CFAP77: variants seen among roughly 807,000 people sequenced by gnomAD.
CFAP77 encodes cilia- and flagella-associated protein 77.
Under a neutral mutation model 31.1 loss-of-function variants are expected in CFAP77, and 25 were observed. The ratio of observed to expected loss-of-function variants is 0.80; its 90% CI spans 0.59 to 1.12. The LOEUF is 1.12. Among genes scored for constraint, CFAP77 ranks in the 50% most tolerant of loss-of-function variants. The pLI, the probability that CFAP77 is intolerant of heterozygous loss-of-function variation, is 0.00. For missense variants in CFAP77, 377 were observed against 397.3 expected, an observed-to-expected ratio of 0.95 and a Z score of 0.44; for synonymous variants, 151 against 159.9, an observed-to-expected ratio of 0.94 and a Z score of 0.42.
In CFAP77 at chr9:132,554,345, TTTTA is replaced by T. The variant is rs941134936; in HGVS notation, c.732+11306_732+11309del. 6.6e-6 allele frequency among the ~76,000 whole-genome samples: 1 copy of T among 151,334 alleles called. No individual in the cohort carries two copies. The highest frequency in any genetic ancestry group is 2.5e-5 in the African/African-American group (1 of 40,782). On this transcript the variant is annotated intron_variant, in intron 5 of 5. Transcript: ENST00000393216. The surrounding 1 kb of genome is among the most constrained non-coding windows in gnomAD (Gnocchi z 4.1). Reference sequence around the variant, plus strand: ...ATGCTTTATGCAACCCTTATTTTTATTTTATTTATTTTTTTTTTTGAGACAGGCT... The same window carrying T: ...ATGCTTTATGCAACCCTTATTTTTATTTTATTTTTTTTTTTGAGACAGGCT...
chr9:132,562,555 T>A (rs1161124648), intron 5 of CFAP77, among the ~76,000 whole-genome samples: 2 of 152,218 alleles, frequency 1.3e-5, no homozygotes, highest in South Asian at 2.1e-4. Flanking sequence ...TTGAGATTCA[T>A]GCACATTGGT....
At chr9:132,464,378 G>A (rs535715159) in intron 1 of CFAP77, among the ~76,000 whole-genome samples, 1 of 151,976 alleles carries the variant, frequency 6.6e-6, no homozygotes, top group South Asian at 2.1e-4. Context: ...AAAACCGGAC[G>A]AGGCAGAACT....
At chr9:132,447,579 G>A (rs1313911731) in intron 1 of CFAP77, among the ~76,000 whole-genome samples, 5 of 152,306 alleles carry the variant, frequency 3.3e-5, no homozygotes, top group South Asian at 2.1e-4. Context: ...AGCAGCATGC[G>A]GAGTGGCTGC....
In CFAP77 at chr9:132,499,653, C is replaced by A; in HGVS notation, c.524+53C>A. 1 of 1,537,288 alleles carries A rather than the reference C, an allele frequency of 6.5e-7. No homozygotes were observed. The highest frequency in any genetic ancestry group is 9.0e-7 in the Non-Finnish European group (1 of 1,111,230). The stretch of plus-strand genomic sequence containing the variant: ...TCCCTTGAGGGGGTGGAGGTACCAG[C>A]TCAATCAGGGACAAGGTCGGAGGGT... On this transcript the variant is annotated intron_variant, in intron 3 of 5. Transcript: ENST00000393216. This position sits in a 1 kb window ranked among gnomAD's most constrained non-coding sequence, Gnocchi z 5.4.
intron 1 of CFAP77, among the ~76,000 whole-genome samples, chr9:132,419,883 G>T (rs1850179946): frequency 1.3e-5 from 2 of 152,120 alleles, no homozygotes; most frequent in Admixed American, 1.3e-4. Flanking sequence ...GTGGGTGGCT[G>T]GGGGCAGTGA....
At position 132,410,604 on chromosome 9, in the gene CFAP77, A is replaced by G. The variant is rs954079678; in HGVS notation, c.195+138A>G. 6 of 705,090 alleles carry G rather than the reference A, an allele frequency of 8.5e-6. No individual in the cohort carries two copies. In the Admixed American group the frequency reaches 1.2e-4, roughly 14 times the overall value. 43.7% of individuals were successfully genotyped at this position (705,090 alleles called of 1,614,324 possible). On this transcript the variant is annotated intron_variant, in intron 1 of 5. Transcript: ENST00000393216. Reference sequence around the variant, plus strand: ...GTGGGAAGCTCCAGCTCTGGTCCAGACAGGCCTGGACCCCCATGCAGGTCG... The same window carrying G: ...GTGGGAAGCTCCAGCTCTGGTCCAGGCAGGCCTGGACCCCCATGCAGGTCG...
At position 132,490,148 on chromosome 9, in the gene CFAP77, G is replaced by T. The variant is rs1851628771; in HGVS notation, c.196-8547G>T. 6.6e-6 allele frequency among the ~76,000 whole-genome samples: 1 copy of T among 152,024 alleles called. No individual in the cohort carries two copies. On this transcript the variant is annotated intron_variant, in intron 1 of 5. Coordinates refer to ENST00000393216, the MANE Select transcript of CFAP77 (RefSeq NM_001282957.2). The surrounding 1 kb of genome is among the most constrained non-coding windows in gnomAD (Gnocchi z 4.6). ...ACGGACAGAAGGGGATAAAAAGGGC[G>T]AACTCCCTCCATCAAGGCCTTTTAT...
intron 1 of CFAP77, among the ~76,000 whole-genome samples, chr9:132,433,923 G>C (rs573945568): frequency 2.0e-5 from 3 of 149,642 alleles, no homozygotes; most frequent in African/African-American, 7.4e-5. Context: ...GATCACTTGA[G>C]TCCAGGAGTT....
At chr9:132,445,882 AAAG>A (rs1280495579) in intron 1 of CFAP77, among the ~76,000 whole-genome samples, 5 of 151,504 alleles carry the variant, frequency 3.3e-5, no homozygotes, top group African/African-American at 1.2e-4. Flanking sequence ...AAAAAAAAAA[AAAG>A]AAAGAAAGAA....
At position 132,490,795 on chromosome 9, in the gene CFAP77, A is replaced by C. The variant is rs1474563774; in HGVS notation, c.196-7900A>C. Among the ~76,000 whole-genome samples the C allele has an allele frequency of 3.3e-5, 5 of 152,218 alleles. No homozygotes were observed. The highest frequency in any genetic ancestry group is 2.9e-5 in the Non-Finnish European group (2 of 68,032). On this transcript the variant is annotated intron_variant, in intron 1 of 5. Transcript: ENST00000393216. This position sits in a 1 kb window ranked among gnomAD's most constrained non-coding sequence, Gnocchi z 4.6. ...CCCAGTCACTTTAGTCCTGAACAGC[A>C]GCTCCTCCGTCATTTTGTTCAACAT...
At chr9:132,493,878 C>CCTTTT (rs544483059) in intron 1 of CFAP77, among the ~76,000 whole-genome samples, 52 of 149,914 alleles carry the variant, frequency 3.5e-4, no homozygotes, top group East Asian at 1.6e-3. Context: ...TCTTTTCTTT[C>CCTTTT]CTTTTCTTTT....
Position 132,486,024 on chromosome 9 carries a change from A to ATATATGTATATGTATGTGTGTGTG in CFAP77, c.196-12666_196-12665insGTATATGTATGTGTGTGTGTATAT, listed in dbSNP as rs1851539010. Among the ~76,000 whole-genome samples, 12 of 43,334 alleles carry ATATATGTATATGTATGTGTGTGTG rather than the reference A, an allele frequency of 2.8e-4. No homozygotes were observed. The African/African-American group carries it at 2.9e-3, about 11-fold the overall frequency. The allele number at this position is 43,334 out of a possible 152,430, so 28.4% of individuals were successfully genotyped here. A position where few individuals can be genotyped will look rare whatever the true frequency, so the allele number is the denominator to read the frequency against. On this transcript the variant is annotated intron_variant, in intron 1 of 5. Coordinates refer to ENST00000393216, the MANE Select transcript of CFAP77 (RefSeq NM_001282957.2). ...TATATATATATATATATATATATAT[A>ATATATGTATATGTATGTGTGTGTG]TATATATATATATATATGTATGTAT...
intron 1 of CFAP77, among the ~76,000 whole-genome samples, chr9:132,469,770 T>C (rs969443382): frequency 2.0e-5 from 3 of 151,608 alleles, no homozygotes; most frequent in African/African-American, 4.9e-5. Context: ...ATCTAAGAAA[T>C]AGCGAAACCG....
intron 4 of CFAP77, among the ~76,000 whole-genome samples, chr9:132,540,492 G>A (rs1287264374): frequency 6.6e-6 from 1 of 152,156 alleles, no homozygotes; most frequent in African/African-American, 2.4e-5. Context: ...GGAGGAAAAT[G>A]TCTTTCCTTC....
intron 1 of CFAP77, among the ~76,000 whole-genome samples, chr9:132,420,211 G>A (rs1368707700): frequency 2.0e-5 from 3 of 151,046 alleles, no homozygotes; most frequent in South Asian, 2.1e-4. Context: ...AGAATGCCAC[G>A]TTTAAGCGTT....
intron 1 of CFAP77, among the ~76,000 whole-genome samples, chr9:132,466,772 G>A (rs547015834): frequency 6.6e-6 from 1 of 152,342 alleles, no homozygotes; most frequent in African/African-American, 2.4e-5. Context: ...GGCTGGTGGA[G>A]ATGACCTCTG....
intron 5 of CFAP77, among the ~76,000 whole-genome samples, chr9:132,569,358 G>T (rs974005393): frequency 1.3e-5 from 2 of 151,962 alleles, no homozygotes; most frequent in Non-Finnish European, 1.5e-5. Flanking sequence ...GTGAGCCATG[G>T]TTGTGCCACT....
At chr9:132,440,603 T>C (rs1004222995) in intron 1 of CFAP77, among the ~76,000 whole-genome samples, 1 of 152,198 alleles carries the variant, frequency 6.6e-6, no homozygotes, top group African/African-American at 2.4e-5. Context: ...GCCCATCCTC[T>C]TGTTAGTAAC....
At chr9:132,425,158 T>G (rs536220546) in intron 1 of CFAP77, among the ~76,000 whole-genome samples, 1 of 152,274 alleles carries the variant, frequency 6.6e-6, no homozygotes, top group Admixed American at 6.5e-5. Context: ...CTTTCCCTTG[T>G]TTTCTGCCGA....
Sources: gnomAD v4.1 joint callset for allele counts (sites outside exome capture counted in the v4.1 genomes callset) on GRCh38, gnomAD v4.1.1 for gene constraint, Gnocchi (gnomAD v3.1) non-coding constraint, MANE v1.5 for transcripts, NCBI Gene and HGNC (gene_info 2026-07-23, HGNC 2026-07-21) for gene names.